The following DPF2 variants were observed in gnomAD, a reference collection of about 807,000 sequenced individuals.
DPF2 encodes zinc finger protein ubi-d4.
DPF2 carries 10 observed loss-of-function variants against 59.6 expected under a neutral mutation model. That is an observed-to-expected ratio of 0.17 (90% confidence interval 0.10 to 0.28). DPF2 has a LOEUF of 0.28. Among genes scored for constraint, DPF2 ranks in the 10% least tolerant of loss-of-function variants. DPF2 has a pLI of 1.00. For synonymous variants in DPF2, 189 were observed against 190.6 expected (o/e 0.99, Z 0.07); for missense variants, 315 against 509.4 (o/e 0.62, Z 3.67).
chr11:65,347,619 C>T (rs1195441737), intron 9 of DPF2: 1 of 151,836 alleles, frequency 6.6e-6, no homozygotes, highest in Admixed American at 6.6e-5. Context: ...CAGGCATGAA[C>T]CCACCATGTC....
chr11:65,342,912 C>A (rs1201905380), intron 4 of DPF2, among the ~76,000 whole-genome samples: 2 of 149,334 alleles, frequency 1.3e-5, no homozygotes, highest in African/African-American at 5.0e-5. Flanking sequence ...TACTCAGGCG[C>A]AAACCCGGGA....
chr11:65,344,754 G>C (rs1854478691), intron 6 of DPF2: 2 of 1,002,930 alleles, frequency 2.0e-6, no homozygotes, highest in African/African-American at 3.3e-5. Flanking sequence ...AGGAGCAGTG[G>C]AATTTCTGCT....
chr11:65,343,937 A>G (rs965114392), intron 5 of DPF2, 54 bp from the exon 6 acceptor site: 2 of 1,611,678 alleles, frequency 1.2e-6, no homozygotes, highest in African/African-American at 2.7e-5. Context: ...AAAAGAGTCT[A>G]ACTCCTCAGG....
chr11:65,337,062 C>T (rs1018043574), intron 1 of DPF2, among the ~76,000 whole-genome samples: 14 of 151,948 alleles, frequency 9.2e-5, no homozygotes, highest in African/African-American at 2.7e-4. Context: ...AGCGAGACTC[C>T]GTCTCAAAAA....
rs1251540732 is a variant in DPF2, at chr11:65,353,512, T to A, written c.*1753T>A. Among the ~76,000 whole-genome samples the A allele has an allele frequency of 2.0e-5, 3 of 152,274 alleles. No individual in the cohort carries two copies. Among genetic ancestry groups the A allele is most frequent in the African/African-American group, 7.2e-5 (3 of 41,466 alleles). ...AGGCCAGAGCAAGTGCTCTAGGATC[T>A]GAACTGCCCGCAGTGCAGCCCTGCA... On this transcript the variant is annotated 3_prime_UTR_variant, in exon 11 of 11. Coordinates refer to ENST00000528416, the MANE Select transcript of DPF2 (RefSeq NM_006268.5).
Position 65,333,866 on chromosome 11 carries a change from C to A in DPF2, c.-21C>A, listed in dbSNP as rs569183789. ...CTGCGGACTGTGGGGCTTCTCGGCC[C>A]GAGGCAGAGGAACAGGGAAGATGGC... On this transcript the variant is annotated 5_prime_UTR_variant, in exon 1 of 11. Transcript: ENST00000528416. 6.2e-7 allele frequency: 1 copy of A among 1,613,756 alleles called. No individual in the cohort carries two copies. The highest frequency in any genetic ancestry group is 2.2e-5 in the East Asian group (1 of 44,868).
chr11:65,350,672 G>T (rs530506483), intron 10 of DPF2, among the ~76,000 whole-genome samples: 1 of 151,208 alleles, frequency 6.6e-6, no homozygotes, highest in African/African-American at 2.4e-5. Flanking sequence ...GTGAACCACT[G>T]CATCTAGCCT....
At chr11:65,344,619 G>T in intron 6 of DPF2, 2 of 1,535,968 alleles carry the variant, frequency 1.3e-6, no homozygotes, top group Non-Finnish European at 1.7e-6. Context: ...GCGCCCCAGA[G>T]AGGTAGCTCT....
rs922304147 is a variant in DPF2, at chr11:65,351,880, T to C, written c.*121T>C. Reference sequence around the variant, plus strand: ...ACAAATCCAGAGAACCTTGGGGTGGTTGTGCCAGCCTGCCTTTGGCAGCTG... The same window carrying C: ...ACAAATCCAGAGAACCTTGGGGTGGCTGTGCCAGCCTGCCTTTGGCAGCTG... On this transcript the variant is annotated 3_prime_UTR_variant, in exon 11 of 11. Transcript: ENST00000528416. 1 of 1,182,320 alleles carries C rather than the reference T, an allele frequency of 8.5e-7. No homozygotes were observed. The highest frequency in any genetic ancestry group is 1.2e-6 in the Non-Finnish European group (1 of 831,692). The allele number at this position is 1,182,320 out of a possible 1,614,324, so 73.2% of individuals were successfully genotyped here.
intron 6 of DPF2, chr11:65,345,287 C>G (rs1471428246): frequency 2.0e-5 from 4 of 203,416 alleles, no homozygotes; most frequent in African/African-American, 9.2e-5. Flanking sequence ...TCCACTTTTC[C>G]CCCTTCCTGC....
At chr11:65,334,436 C>T (rs1396134219) in intron 1 of DPF2, among the ~76,000 whole-genome samples, 2 of 152,222 alleles carry the variant, frequency 1.3e-5, no homozygotes, top group Admixed American at 1.3e-4. Flanking sequence ...TGGCAGGTAC[C>T]TAAGACTACA....
In DPF2 at chr11:65,352,915, CTTTTT is replaced by C. The variant is rs137866238; in HGVS notation, c.*1162_*1166del. Reference sequence around the variant, plus strand: ...CACTGTCGCTTTGGAGTTGAGGTGTCTTTTTTTTTTCTTTCTTTAGTTCCTGTATT... The same window carrying C: ...CACTGTCGCTTTGGAGTTGAGGTGTCTTTTTCTTTCTTTAGTTCCTGTATT... On this transcript the variant is annotated 3_prime_UTR_variant, in exon 11 of 11. Transcript: ENST00000528416. 1.3e-5 allele frequency: 2 copies of C among 151,304 alleles called. No individual in the cohort carries two copies. The highest frequency in any genetic ancestry group is 3.9e-4 in the East Asian group (2 of 5,154). The allele number at this position is 151,304 out of a possible 1,614,324, so 9.4% of individuals were successfully genotyped here.
chr11:65,345,985 G>A lies in DPF2; in HGVS notation c.831G>A (p.Leu277=). 6.2e-7 allele frequency: 1 copy of A among 1,614,188 alleles called. No homozygotes were observed. The highest frequency in any genetic ancestry group is 8.5e-7 in the Non-Finnish European group (1 of 1,180,026). ...ALPNNYCDFC[L]GDSKINKKTG... is the part of the protein sequence containing the mutation. ...CCAACAACTACTGTGACTTCTGCCTGGGGGACTCAAAGATTAACAAGAAGA... is the reference window on the plus strand; with the variant it reads ...CCAACAACTACTGTGACTTCTGCCTAGGGGACTCAAAGATTAACAAGAAGA... Residue 277 remains leucine, a synonymous_variant, in exon 8 of 11, where the codon CTG becomes CTA. Transcript: ENST00000528416.
At chr11:65,334,689 A>G (rs1950072931) in intron 1 of DPF2, among the ~76,000 whole-genome samples, 1 of 152,234 alleles carries the variant, frequency 6.6e-6, no homozygotes, top group African/African-American at 2.4e-5. Context: ...ACGCTGGCCT[A>G]TGAACTGCTT....
intron 5 of DPF2, 39 bp from the exon 6 acceptor site, chr11:65,343,952 G>A: frequency 6.2e-7 from 1 of 1,613,500 alleles, no homozygotes; most frequent in Non-Finnish European, 8.5e-7. Context: ...CTCAGGCCCA[G>A]CTACCAAAAT....
intron 10 of DPF2, 109 bp from the exon 11 acceptor site, chr11:65,351,574 C>G: frequency 1.1e-6 from 1 of 915,562 alleles, no homozygotes; most frequent in Non-Finnish European, 1.8e-6. Flanking sequence ...CATCCCTCGT[C>G]CTACCTGTAG....
intron 10 of DPF2, among the ~76,000 whole-genome samples, chr11:65,350,062 G>A (rs1854647782): frequency 6.6e-6 from 1 of 152,132 alleles, no homozygotes. Context: ...AATCTGCTTT[G>A]GGGAGAAGTC....
At position 65,345,771 on chromosome 11, in the gene DPF2, C is replaced by A. The variant is rs1468872278; in HGVS notation, c.743C>A (p.Thr248Asn). ...GACAAGGAAGACTCTCAACCACCCA[C>A]TCCTGTTTCCCAGAGGTCTGAGGAG... ...GEDKEDSQPPTPVSQRSEEQK... is the reference protein window; with the variant it reads ...GEDKEDSQPPNPVSQRSEEQK... The change falls in exon 7 of 11, where the codon ACT becomes AAT. Residue 248 changes from threonine (T) to asparagine (N), a missense_variant. This residue lies in a region of DPF2 where 58 missense variants were observed against 84.6 expected (regional missense o/e 0.69). Coordinates refer to ENST00000528416, the MANE Select transcript of DPF2 (RefSeq NM_006268.5). 6.2e-7 allele frequency: 1 copy of A among 1,614,148 alleles called. No homozygotes were observed. The highest frequency in any genetic ancestry group is 1.3e-5 in the African/African-American group (1 of 75,034).
chr11:65,343,851 G>A lies in DPF2; in HGVS notation c.558+14G>A, dbSNP rs371530733. The A allele has an allele frequency of 7.7e-5, 122 of 1,582,524 alleles. No homozygotes were observed. The highest frequency in any genetic ancestry group is 8.9e-5 in the Non-Finnish European group (103 of 1,163,148). Reference sequence around the variant, plus strand: ...GGGAAATCCAAGGTGAGGGGCCAGCGTGCTGCCTGCATCTTGGGACAGGGT... The same window carrying A: ...GGGAAATCCAAGGTGAGGGGCCAGCATGCTGCCTGCATCTTGGGACAGGGT... On this transcript the variant is annotated intron_variant, in intron 5 of 10. Transcript: ENST00000528416.
Sources: allele counts gnomAD v4.1 joint callset (sites outside exome capture counted in the v4.1 genomes callset), GRCh38; gene constraint gnomAD v4.1.1; regional missense constraint gnomAD v4.1.1; transcripts MANE v1.5; gene names NCBI Gene and HGNC (gene_info 2026-07-23, HGNC 2026-07-21).